CCDC28A: variants seen among roughly 807,000 people sequenced by gnomAD.
CCDC28A encodes coiled-coil domain containing 28A, also known as coiled-coil domain-containing protein 28A.
A neutral mutation model predicts 22.1 loss-of-function variants in CCDC28A; 24 were observed. The ratio of observed to expected loss-of-function variants is 1.09; its 90% CI spans 0.79 to 1.53. The LOEUF (loss-of-function observed/expected upper bound fraction) is 1.53, where lower values mean the gene tolerates loss of function less well. CCDC28A is among the 40% of genes most tolerant of loss of function. The probability of loss-of-function intolerance (pLI) is 0.00; values close to 1 mark genes in which losing one functional copy is unlikely to be tolerated. For synonymous variants in CCDC28A, 83 were observed against 74.7 expected (o/e 1.11, Z -0.57); for missense variants, 170 against 210.7 (o/e 0.81, Z 1.20).
chr6:138,792,619 C>G, intron 5 of CCDC28A, 130 bp from the exon 6 acceptor site: 1 of 670,382 alleles, frequency 1.5e-6, no homozygotes, highest in Non-Finnish European at 2.7e-6. Context: ...TCAGTAGCAA[C>G]ACAAGAGCTT....
At chr6:138,787,832 C>T (rs1775115380) in intron 4 of CCDC28A, among the ~76,000 whole-genome samples, 1 of 151,252 alleles carries the variant, frequency 6.6e-6, no homozygotes, top group Non-Finnish European at 1.5e-5. Context: ...GGCCTCTCTC[C>T]TCATATTCTT....
At chr6:138,780,728 C>T (rs1275446943) in intron 3 of CCDC28A, among the ~76,000 whole-genome samples, 4 of 152,062 alleles carry the variant, frequency 2.6e-5, no homozygotes, top group South Asian at 2.1e-4. Context: ...CCATGTGCCA[C>T]GGCCAGCTAA....
At chr6:138,775,572 A>T (rs867233648) in intron 1 of CCDC28A, among the ~76,000 whole-genome samples, 1 of 152,208 alleles carries the variant, frequency 6.6e-6, no homozygotes, top group Non-Finnish European at 1.5e-5. Flanking sequence ...GTTGATTTTT[A>T]AAATGCTAGT....
rs561592091 is a variant in CCDC28A, at chr6:138,784,399, T to C, written c.323-828T>C. Among the ~76,000 whole-genome samples, 9 of 151,160 alleles carry C rather than the reference T, an allele frequency of 6.0e-5. No individual in the cohort carries two copies. The East Asian group carries it at 1.7e-3, about 29-fold the overall frequency. On this transcript the variant is annotated intron_variant, in intron 3 of 5. Coordinates refer to ENST00000617445, the MANE Select transcript of CCDC28A (RefSeq NM_015439.3). The stretch of plus-strand genomic sequence containing the variant: ...AAGGTCTCACTCTGTCACCTAGTCT[T>C]GAGTACAGTGGCTTGAACACAGCTC...
At chr6:138,774,627 G>A (rs150221934) in intron 1 of CCDC28A, among the ~76,000 whole-genome samples, 1 of 152,338 alleles carries the variant, frequency 6.6e-6, no homozygotes, top group East Asian at 1.9e-4. Flanking sequence ...ATTGTCTAGC[G>A]TCAGCCAATT....
rs1775201714 is a variant in CCDC28A at position 138,793,259 on chromosome 6, G to A, written c.*456G>A. The A allele has an allele frequency of 6.5e-6, 1 of 154,296 alleles. No individual in the cohort carries two copies. The highest frequency in any genetic ancestry group is 2.0e-4 in the South Asian group (1 of 4,932). 9.6% of individuals were successfully genotyped at this position (154,296 alleles called of 1,614,324 possible). On this transcript the variant is annotated 3_prime_UTR_variant, in exon 6 of 6. Coordinates refer to ENST00000617445, the MANE Select transcript of CCDC28A (RefSeq NM_015439.3). ...TGTGTTTTCCAATGGCCAGTGATAA[G>A]AAATTAAATAAGTATTTGTGAGATT...
At position 138,779,089 on chromosome 6, in the gene CCDC28A, G is replaced by A. The variant is rs185785344; in HGVS notation, c.159-733G>A. Reference sequence around the variant, plus strand: ...GGCCTACTGAAGCATTTTTAATTAAGCAAATTGTATGATCTGATTTTACTT... The same window carrying A: ...GGCCTACTGAAGCATTTTTAATTAAACAAATTGTATGATCTGATTTTACTT... On this transcript the variant is annotated intron_variant, in intron 2 of 5. Transcript: ENST00000617445. Among the ~76,000 whole-genome samples, 4 of 152,276 alleles carry A rather than the reference G, an allele frequency of 2.6e-5. No individual in the cohort carries two copies. In the East Asian group the frequency reaches 5.8e-4, roughly 22 times the overall value.
chr6:138,791,510 T>C (rs1399497252), intron 5 of CCDC28A, among the ~76,000 whole-genome samples: 1 of 152,246 alleles, frequency 6.6e-6, no homozygotes, highest in Admixed American at 6.5e-5. Flanking sequence ...ATGTCAACTA[T>C]TTTAAAGGTT....
At chr6:138,785,079 A>G in intron 3 of CCDC28A, 148 bp from the exon 4 acceptor site, 2 of 498,898 alleles carry the variant, frequency 4.0e-6, no homozygotes, top group Admixed American at 7.4e-5. Flanking sequence ...TTGATTTGTT[A>G]TTAAACACAG....
In CCDC28A at chr6:138,776,126, A is replaced by G; in HGVS notation, c.6A>G (p.Glu2=). The G allele has an allele frequency of 6.2e-7, 1 of 1,614,182 alleles. No homozygotes were observed. The highest frequency in any genetic ancestry group is 1.1e-5 in the South Asian group (1 of 91,088). ...GCAATAAGGAACTTAAAACAATGGA[A>G]GAGCGGAAAGTGAAGAGGAGGAGTC... M[E]ERKVKRRSPK... The change falls in exon 2 of 6, where the codon GAA becomes GAG. Residue 2 remains glutamate, a synonymous_variant. Coordinates refer to ENST00000617445, the MANE Select transcript of CCDC28A (RefSeq NM_015439.3).
At chr6:138,780,411 G>C (rs990373288) in intron 3 of CCDC28A, among the ~76,000 whole-genome samples, 1 of 151,926 alleles carries the variant, frequency 6.6e-6, no homozygotes, top group African/African-American at 2.4e-5. Context: ...CAGTTTTCTT[G>C]TTTTTTCATG....
chr6:138,778,645 C>T (rs75819234), intron 2 of CCDC28A, among the ~76,000 whole-genome samples: 4,802 of 151,720 alleles, frequency 0.032, 115 homozygotes, highest in Non-Finnish European at 0.041. Flanking sequence ...AGGATTAGCA[C>T]GTAAGAAGAT....
In CCDC28A at chr6:138,776,012, G is replaced by A. The variant is rs917006843; in HGVS notation, c.-42-67G>A. On this transcript the variant is annotated intron_variant, in intron 1 of 5. Transcript: ENST00000617445. The stretch of plus-strand genomic sequence containing the variant: ...ATCCTCTTTTGACCCTGTGAAATGG[G>A]TCTTTGAATTTCTTTCATGTTTGCA... 1.4e-5 allele frequency: 18 copies of A among 1,323,506 alleles called. No individual in the cohort carries two copies. The African/African-American group carries it at 2.6e-4, about 19-fold the overall frequency. 82.0% of individuals were successfully genotyped at this position (1,323,506 alleles called of 1,614,324 possible). A position where few individuals can be genotyped will look rare whatever the true frequency, so the allele number is the denominator to read the frequency against.
intron 1 of CCDC28A, 87 bp downstream of exon 1, chr6:138,773,989 A>ACCCTTCACCGCCC: frequency 6.7e-7 from 1 of 1,492,734 alleles, no homozygotes; most frequent in Non-Finnish European, 9.1e-7. Flanking sequence ...CTGGGCGGTG[A>ACCCTTCACCGCCC]AGGGTCATCG....
At position 138,788,568 on chromosome 6, in the gene CCDC28A, C is replaced by CTTTTTTTTTTTTTT. The variant is rs3070099; in HGVS notation, c.500+190_500+203dup. Among the ~76,000 whole-genome samples the CTTTTTTTTTTTTTT allele has an allele frequency of 2.1e-3, 198 of 92,904 alleles. 1 individual carries two copies. Among genetic ancestry groups the CTTTTTTTTTTTTTT allele is most frequent in the Non-Finnish European group, 2.8e-3 (132 of 46,910 alleles). The allele number at this position is 92,904 out of a possible 152,430, so 60.9% of individuals were successfully genotyped here. The stretch of plus-strand genomic sequence containing the variant: ...TTCTTTTCTTTCTCTTTTTTCTTTT[C>CTTTTTTTTTTTTTT]TTTTTTTTTTTTTTTTTTTTTTTCA... On this transcript the variant is annotated intron_variant, in intron 5 of 5. Transcript: ENST00000617445.
rs1774927586 is a variant in CCDC28A at position 138,776,140 on chromosome 6, AGAG to A, written c.27_29del (p.Arg9del). ...AAAACAATGGAAGAGCGGAAAGTGA[AGAG>A]GAGGAGTCCTAAGTCTTTTAGTGCC... On this transcript the variant is annotated inframe_deletion, in exon 2 of 6. Coordinates refer to ENST00000617445, the MANE Select transcript of CCDC28A (RefSeq NM_015439.3). 6.2e-7 allele frequency: 1 copy of A among 1,614,008 alleles called. No individual in the cohort carries two copies. The highest frequency in any genetic ancestry group is 8.5e-7 in the Non-Finnish European group (1 of 1,180,000).
At chr6:138,789,553 G>A (rs1404938565) in intron 5 of CCDC28A, among the ~76,000 whole-genome samples, 1 of 152,190 alleles carries the variant, frequency 6.6e-6, no homozygotes, top group Non-Finnish European at 1.5e-5. Flanking sequence ...GGCCTGGCAC[G>A]GTGGCTCATG....
chr6:138,776,281 G>T lies in CCDC28A; in HGVS notation c.158+3G>T. 1 of 1,606,416 alleles carries T rather than the reference G, an allele frequency of 6.2e-7. No homozygotes were observed. On this transcript the variant is annotated splice_donor_region_variant and intron_variant, in intron 2 of 5. Coordinates refer to ENST00000617445, the MANE Select transcript of CCDC28A (RefSeq NM_015439.3). ...TCACAGCGACCAAAGTTAAAAAGGT[G>T]AATTCTTTTATTTTACATGTTCACA...
intron 3 of CCDC28A, among the ~76,000 whole-genome samples, 155 bp downstream of exon 3, chr6:138,780,140 A>G (rs1244121393): frequency 6.6e-6 from 1 of 152,362 alleles, no homozygotes; most frequent in African/African-American, 2.4e-5. Context: ...TTGTCTTAGA[A>G]TATAATTTGC....
Sources: gnomAD v4.1 joint callset for allele counts (sites outside exome capture counted in the v4.1 genomes callset) on GRCh38, gnomAD v4.1.1 for gene constraint, MANE v1.5 for transcripts, NCBI Gene and HGNC (gene_info 2026-07-23, HGNC 2026-07-21) for gene names.